The following GATB variants were observed in gnomAD, a reference collection of about 807,000 sequenced individuals.
GATB encodes the protein glutamyl-tRNA amidotransferase subunit B.
GATB carries 39 observed loss-of-function variants against 62.3 expected under a neutral mutation model. The ratio of observed to expected loss-of-function variants is 0.63; its 90% CI spans 0.48 to 0.82. The LOEUF is 0.82. GATB is among the 40% of genes least tolerant of loss of function. GATB has a pLI of 0.00. For missense variants in GATB, 670 were observed against 684.0 expected, an observed-to-expected ratio of 0.98 and a Z score of 0.23; for synonymous variants, 276 against 258.9, an observed-to-expected ratio of 1.07 and a Z score of -0.63.
intron 4 of GATB, 145 bp from the exon 5 acceptor site, chr4:151,716,276 C>T: frequency 4.1e-6 from 3 of 723,732 alleles, no homozygotes; most frequent in Non-Finnish European, 2.0e-6. Flanking sequence ...TTCCCTCCCA[C>T]CTTTTTTTTT....
intron 2 of GATB, among the ~76,000 whole-genome samples, chr4:151,732,247 C>T (rs1045039503): frequency 6.6e-6 from 1 of 152,180 alleles, no homozygotes; most frequent in African/African-American, 2.4e-5. Flanking sequence ...GAGAATGGGC[C>T]ATGATGACGA....
intron 2 of GATB, among the ~76,000 whole-genome samples, chr4:151,726,953 G>A (rs922329691): frequency 2.6e-5 from 4 of 152,142 alleles, no homozygotes; most frequent in East Asian, 1.9e-4. Flanking sequence ...GTCTTACTCT[G>A]TCGTCCAGGT....
intron 2 of GATB, among the ~76,000 whole-genome samples, chr4:151,755,002 C>T (rs933599179): frequency 5.3e-5 from 8 of 152,252 alleles, no homozygotes; most frequent in African/African-American, 1.9e-4. Context: ...AAGATAAAAG[C>T]CACCAATCAT....
intron 5 of GATB, among the ~76,000 whole-genome samples, chr4:151,713,883 A>C (rs1308579941): frequency 6.6e-6 from 1 of 151,984 alleles, no homozygotes; most frequent in Non-Finnish European, 1.5e-5. Context: ...TAGGCAAATA[A>C]CTCCCACCTC....
intron 10 of GATB, among the ~76,000 whole-genome samples, chr4:151,686,583 C>T (rs1738250633): frequency 6.6e-6 from 1 of 151,520 alleles, no homozygotes; most frequent in Admixed American, 6.6e-5. Flanking sequence ...CAAAGTGACA[C>T]CTACTGCCCA....
chr4:151,757,467 A>ATTTTTTTTTTTTT (rs745311470), intron 2 of GATB, among the ~76,000 whole-genome samples: 1 of 103,820 alleles, frequency 9.6e-6, no homozygotes. Flanking sequence ...CAGCTTCCAG[A>ATTTTTTTTTTTTT]TTTTTTTTTT....
At chr4:151,703,737 G>T in intron 8 of GATB, 114 bp downstream of exon 8, 2 of 784,298 alleles carry the variant, frequency 2.6e-6, no homozygotes, top group South Asian at 1.4e-5. Flanking sequence ...TTACAACAAT[G>T]ACAAAAAGTG....
Position 151,671,041 on chromosome 4 carries a change from C to G in GATB, c.*133G>C, listed in dbSNP as rs541607780. 23 of 1,054,930 alleles carry G rather than the reference C, an allele frequency of 2.2e-5. No homozygotes were observed. In the South Asian group the frequency reaches 3.0e-4, roughly 14 times the overall value. The allele number at this position is 1,054,930 out of a possible 1,614,324, so 65.3% of individuals were successfully genotyped here. Reference sequence around the variant, plus strand: ...GGTGAGAACACTGGTGACATTAATGCCATAGCTGTGGCTTGGGACAGGGAT... The same window carrying G: ...GGTGAGAACACTGGTGACATTAATGGCATAGCTGTGGCTTGGGACAGGGAT... On this transcript the variant is annotated 3_prime_UTR_variant, in exon 13 of 13. Coordinates refer to ENST00000263985, the MANE Select transcript of GATB (RefSeq NM_004564.3).
chr4:151,680,759 A>C (rs1738122192), intron 10 of GATB, among the ~76,000 whole-genome samples: 1 of 152,236 alleles, frequency 6.6e-6, no homozygotes, highest in Admixed American at 6.5e-5. Flanking sequence ...TGGATTTTGG[A>C]ATATTTGCAT....
intron 2 of GATB, among the ~76,000 whole-genome samples, chr4:151,744,950 C>T (rs1739566799): frequency 6.6e-6 from 1 of 152,184 alleles, no homozygotes; most frequent in South Asian, 2.1e-4. Context: ...AGACACATAC[C>T]TCCTTTAGGG....
In GATB at chr4:151,731,384, C is replaced by T. The variant is rs189917446; in HGVS notation, c.328-11846G>A. On this transcript the variant is annotated intron_variant, in intron 2 of 12. Coordinates refer to ENST00000263985, the MANE Select transcript of GATB (RefSeq NM_004564.3). Reference sequence around the variant, plus strand: ...TGCCAGCCTCGGCCTCCTGAGATGCCGGGATTGCAGACGGAGTCTCGCTCA... The same window carrying T: ...TGCCAGCCTCGGCCTCCTGAGATGCTGGGATTGCAGACGGAGTCTCGCTCA... Among the ~76,000 whole-genome samples the T allele has an allele frequency of 7.7e-4, 117 of 152,352 alleles. 2 individuals carry two copies. Among genetic ancestry groups the T allele is most frequent in the Admixed American group, 7.2e-4 (11 of 15,312 alleles).
intron 10 of GATB, among the ~76,000 whole-genome samples, chr4:151,687,637 G>T (rs1020041154): frequency 6.6e-6 from 1 of 152,206 alleles, no homozygotes. Flanking sequence ...TTTAGGGGAT[G>T]GGGCCCTGGA....
At chr4:151,760,642 G>GA (rs1315396045) in intron 1 of GATB, among the ~76,000 whole-genome samples, 165 bp downstream of exon 1, 1 of 152,208 alleles carries the variant, frequency 6.6e-6, no homozygotes, top group Non-Finnish European at 1.5e-5. Flanking sequence ...GGAGTTGATA[G>GA]AAAGTCTGTT....
chr4:151,725,616 A>C (rs1197044052), intron 2 of GATB, among the ~76,000 whole-genome samples: 1 of 152,228 alleles, frequency 6.6e-6, no homozygotes, highest in African/African-American at 2.4e-5. Flanking sequence ...CTCAACTGTA[A>C]ATCTACATTA....
intron 12 of GATB, 138 bp from the exon 13 acceptor site, chr4:151,671,440 A>G (rs1005540765): frequency 8.7e-6 from 7 of 808,028 alleles, no homozygotes; most frequent in African/African-American, 3.5e-5. Context: ...TGTAGAACAG[A>G]AAAAGGGGAG....
chr4:151,728,182 CA>C (rs1438223643), intron 2 of GATB, among the ~76,000 whole-genome samples: 3 of 151,838 alleles, frequency 2.0e-5, no homozygotes, highest in African/African-American at 4.8e-5. Flanking sequence ...TTCCCATGGC[CA>C]AAAAAAGCTC....
intron 1 of GATB, among the ~76,000 whole-genome samples, chr4:151,760,130 A>C (rs1009608604): frequency 6.6e-6 from 1 of 152,250 alleles, no homozygotes; most frequent in African/African-American, 2.4e-5. Flanking sequence ...AATGCCAACT[A>C]GTCTCAAAGA....
At chr4:151,742,272 T>C (rs532527194) in intron 2 of GATB, among the ~76,000 whole-genome samples, 2 of 151,666 alleles carry the variant, frequency 1.3e-5, no homozygotes, top group Non-Finnish European at 2.9e-5. Context: ...GTATTTTTAG[T>C]AGAGACGGCA....
intron 8 of GATB, 141 bp downstream of exon 8, chr4:151,703,710 C>A: frequency 1.4e-6 from 1 of 708,886 alleles, no homozygotes; most frequent in South Asian, 1.6e-5. Context: ...AAGAGGAAGT[C>A]TAGATGTCCC....
Sources: allele counts gnomAD v4.1 joint callset (sites outside exome capture counted in the v4.1 genomes callset), GRCh38; gene constraint gnomAD v4.1.1; transcripts MANE v1.5; gene names NCBI Gene and HGNC (gene_info 2026-07-23, HGNC 2026-07-21).